Variants in RBM19 observed in about 807,000 individuals in gnomAD.
RBM19 encodes probable RNA-binding protein 19.
A neutral mutation model predicts 116.8 loss-of-function variants in RBM19; 94 were observed. The ratio of observed to expected loss-of-function variants is 0.80; its 90% CI spans 0.68 to 0.95. The LOEUF is 0.95. Ranked by LOEUF, RBM19 falls within the 40% of genes least tolerant of loss-of-function variation. RBM19 has a pLI of 0.00. For missense variants in RBM19, 1,161 were observed against 1,220.7 expected (o/e 0.95, Z 0.73); for synonymous variants, 475 against 494.1 (o/e 0.96, Z 0.51).
intron 4 of RBM19, 81 bp downstream of exon 4, chr12:113,959,784 C>A: frequency 6.5e-7 from 1 of 1,531,108 alleles, no homozygotes; most frequent in South Asian, 1.1e-5. Context: ...CACCCTCTCC[C>A]AGCCTCTACC....
intron 4 of RBM19, 90 bp from the exon 5 acceptor site, chr12:113,959,494 C>T: frequency 1.5e-6 from 2 of 1,371,930 alleles, no homozygotes; most frequent in South Asian, 1.4e-5. Context: ...ATCTTTCTAA[C>T]TCTTAAGAGG....
chr12:113,936,341 G>A (rs138175020), intron 16 of RBM19, among the ~76,000 whole-genome samples: 3 of 152,314 alleles, frequency 2.0e-5, no homozygotes, highest in East Asian at 1.9e-4. Context: ...TGAGGTCCTC[G>A]ATGCGGGGGA....
chr12:113,927,461 C>T (rs1869189785), intron 16 of RBM19: 3 of 510,058 alleles, frequency 5.9e-6, no homozygotes, highest in Non-Finnish European at 6.8e-6. Flanking sequence ...GAAAGGAATA[C>T]AAAACACAGC....
chr12:113,945,726 C>T (rs948294204), intron 13 of RBM19, 102 bp downstream of exon 13: 28 of 969,632 alleles, frequency 2.9e-5, no homozygotes, highest in East Asian at 1.6e-4. Flanking sequence ...AAAGCCCTGG[C>T]GGCCCCAGCC....
chr12:113,930,792 A>T (rs908445421), intron 16 of RBM19, among the ~76,000 whole-genome samples: 38 of 152,190 alleles, frequency 2.5e-4, no homozygotes, highest in Non-Finnish European at 5.9e-5. Context: ...TGGATCCTAG[A>T]AGAACTAACA....
intron 21 of RBM19, among the ~76,000 whole-genome samples, chr12:113,861,292 G>T (rs1048121385): frequency 3.3e-5 from 5 of 152,228 alleles, no homozygotes; most frequent in African/African-American, 1.2e-4. Flanking sequence ...GGAATGCCCT[G>T]TGTGGACTCC....
intron 22 of RBM19, among the ~76,000 whole-genome samples, chr12:113,855,068 T>C (rs1231055923): frequency 2.6e-5 from 4 of 152,202 alleles, no homozygotes; most frequent in East Asian, 1.9e-4. Flanking sequence ...AAGGGCTTGA[T>C]AGATATCACA....
In RBM19 at chr12:113,965,799, C is replaced by T. The variant is rs547354800; in HGVS notation, c.36+393G>A. Among the ~76,000 whole-genome samples, 3 of 152,284 alleles carry T rather than the reference C, an allele frequency of 2.0e-5. No homozygotes were observed. In the East Asian group the frequency reaches 5.8e-4, roughly 29 times the overall value. ...CGCAGGTCCGCAGATTAATATTCCCCATGTCTTCCCCAACAGTTTCCAGAC... is the reference window on the plus strand; with the variant it reads ...CGCAGGTCCGCAGATTAATATTCCCTATGTCTTCCCCAACAGTTTCCAGAC... On this transcript the variant is annotated intron_variant, in intron 1 of 23. Coordinates refer to ENST00000261741, the MANE Select transcript of RBM19 (RefSeq NM_016196.4).
At chr12:113,936,762 T>G in intron 16 of RBM19, 2 of 427,312 alleles carry the variant, frequency 4.7e-6, no homozygotes, top group East Asian at 4.5e-5. Flanking sequence ...TCCTTGTTAA[T>G]AGATAGTAAT....
At chr12:113,890,120 C>G (rs987798677) in intron 21 of RBM19, among the ~76,000 whole-genome samples, 1 of 152,290 alleles carries the variant, frequency 6.6e-6, no homozygotes, top group African/African-American at 2.4e-5. Context: ...CTCATTCCCC[C>G]CTCCCTCGCT....
chr12:113,959,383 G>T lies in RBM19; in HGVS notation c.400C>A (p.Gln134Lys). The change falls in exon 5 of 24, where the codon CAG (glutamine) becomes AAG (lysine). Residue 134 changes from glutamine to lysine, a missense_variant. Coordinates refer to ENST00000261741, the MANE Select transcript of RBM19 (RefSeq NM_016196.4). ...LEKLKEDTEF[Q>K]EFLSVHQRRA... is the part of the protein sequence containing the mutation. ...CTCTGATGAACTGACAGAAACTCCT[G>T]GAACTCTGTATCCTCCTTCAGCTGG... The T allele has an allele frequency of 6.2e-7, 1 of 1,608,582 alleles. No homozygotes were observed. Among genetic ancestry groups the T allele is most frequent in the Non-Finnish European group, 8.5e-7 (1 of 1,175,312 alleles).
At chr12:113,837,000 C>T (rs1179127463) in intron 23 of RBM19, among the ~76,000 whole-genome samples, 3 of 75,148 alleles carry the variant, frequency 4.0e-5, no homozygotes, top group Non-Finnish European at 7.3e-5. Context: ...TACATACACA[C>T]ACACACACAC....
At position 113,822,406 on chromosome 12, in the gene RBM19, C is replaced by T. The variant is rs1874481287; in HGVS notation, c.*818G>A. ...CAGCGGAGAGGACCTTGATGCATTT[C>T]ACAGGGCTCTGGGCCCGTGAGCAGA... On this transcript the variant is annotated 3_prime_UTR_variant, in exon 24 of 24. Transcript: ENST00000261741. 1 of 152,170 alleles carries T rather than the reference C, an allele frequency of 6.6e-6. No individual in the cohort carries two copies. Among genetic ancestry groups the T allele is most frequent in the Non-Finnish European group, 1.5e-5 (1 of 68,046 alleles). The allele number at this position is 152,170 out of a possible 1,614,324, so 9.4% of individuals were successfully genotyped here. A position where few individuals can be genotyped will look rare whatever the true frequency, so the allele number is the denominator to read the frequency against.
intron 11 of RBM19, 113 bp from the exon 12 acceptor site, chr12:113,946,588 T>TG: frequency 7.0e-7 from 1 of 1,426,316 alleles, no homozygotes; most frequent in Non-Finnish European, 9.6e-7. Flanking sequence ...ACTGAAACCC[T>TG]GACCAGAGGG....
At position 113,841,422 on chromosome 12, in the gene RBM19, C is replaced by CTT. The variant is rs71089416; in HGVS notation, c.2785+3244_2785+3245dup. Among the ~76,000 whole-genome samples the CTT allele has an allele frequency of 2.2e-3, 286 of 129,986 alleles. 4 individuals carry two copies. The highest frequency in any genetic ancestry group is 0.011 in the South Asian group (44 of 3,922). 85.3% of individuals were successfully genotyped at this position (129,986 alleles called of 152,430 possible). A position where few individuals can be genotyped will look rare whatever the true frequency, so the allele number is the denominator to read the frequency against. ...CGGCCTGGGACTTTCTTTTTCTTTTCTTTTTTTTTTTTTTTTTTTGAGATG... is the reference window on the plus strand; with the variant it reads ...CGGCCTGGGACTTTCTTTTTCTTTTCTTTTTTTTTTTTTTTTTTTTTGAGATG... On this transcript the variant is annotated intron_variant, in intron 23 of 23. Transcript: ENST00000261741.
At chr12:113,844,602 TC>T in intron 23 of RBM19, 65 bp downstream of exon 23, 1 of 1,540,294 alleles carries the variant, frequency 6.5e-7, no homozygotes, top group Non-Finnish European at 8.8e-7. Flanking sequence ...CTCTCAGATG[TC>T]CCACCCACCT....
chr12:113,906,575 C>T (rs867666151), intron 21 of RBM19, among the ~76,000 whole-genome samples: 5 of 152,008 alleles, frequency 3.3e-5, no homozygotes, highest in South Asian at 4.2e-4. Context: ...CCATACTGTC[C>T]GCTTAGGATC....
At chr12:113,922,036 C>T (rs188543401) in intron 18 of RBM19, among the ~76,000 whole-genome samples, 1 of 152,220 alleles carries the variant, frequency 6.6e-6, no homozygotes, top group Admixed American at 6.5e-5. Flanking sequence ...TCCACATGTC[C>T]CCACCCGCCT....
intron 17 of RBM19, among the ~76,000 whole-genome samples, chr12:113,926,274 T>C (rs1869063587): frequency 6.6e-6 from 1 of 152,212 alleles, no homozygotes; most frequent in South Asian, 2.1e-4. Context: ...TTCAGAGGGA[T>C]TTTTAGAAAT....
Sources: gnomAD v4.1 joint callset for allele counts (sites outside exome capture counted in the v4.1 genomes callset) on GRCh38, gnomAD v4.1.1 for gene constraint, MANE v1.5 for transcripts, NCBI Gene and HGNC (gene_info 2026-07-23, HGNC 2026-07-21) for gene names.